The following VEPH1 variants were observed in gnomAD, a reference collection of about 807,000 sequenced individuals.
VEPH1 encodes the protein ventricular zone expressed PH domain containing 1, also known as ventricular zone-expressed PH domain-containing protein homolog 1.
In VEPH1, 80 loss-of-function variants were observed where a neutral mutation model predicts 85.2. That is an observed-to-expected ratio of 0.94 (90% CI 0.78 to 1.13). The LOEUF (loss-of-function observed/expected upper bound fraction) is 1.13. Ranked by LOEUF, VEPH1 falls within the 50% of genes most tolerant of loss-of-function variation. The pLI, the probability that VEPH1 is intolerant of heterozygous loss-of-function variation, is 0.00. For missense variants in VEPH1, 955 were observed against 980.5 expected, an observed-to-expected ratio of 0.97 and a Z score of 0.35; for synonymous variants, 297 against 348.0, an observed-to-expected ratio of 0.85 and a Z score of 1.63.
At chr3:157,269,607 T>C (rs1278405238) in intron 12 of VEPH1, among the ~76,000 whole-genome samples, 2 of 67,730 alleles carry the variant, frequency 3.0e-5, no homozygotes, top group African/African-American at 1.1e-4. Context: ...CTTAAAAAAC[T>C]GTTTGTTTGT....
chr3:157,261,484 G>T (rs1712895353), intron 13 of VEPH1, 114 bp from the exon 14 acceptor site: 1 of 1,494,276 alleles, frequency 6.7e-7, no homozygotes, highest in Admixed American at 2.3e-5. Context: ...TATGTCTCAA[G>T]ACCTTTGTTA....
intron 4 of VEPH1, among the ~76,000 whole-genome samples, chr3:157,453,587 T>C (rs1735139490): frequency 6.6e-6 from 1 of 152,042 alleles, no homozygotes; most frequent in Admixed American, 6.6e-5. Context: ...AGTAGAAACA[T>C]GGGAAAATAA....
At position 157,470,516 on chromosome 3, in the gene VEPH1, T is replaced by C. The variant is rs369417596; in HGVS notation, c.152A>G (p.Asn51Ser). ...TTCAACTACTGCCTGGTCATTGTTA[T>C]TGGTTTGGTAATCCTGTTTGGAAAG... ...IISSSSDYQT[N>S]NNDQAVVEIC... is the part of the protein sequence containing the mutation. The change falls in exon 3 of 14, where the codon AAT (asparagine) becomes AGT (serine). Residue 51 changes from asparagine to serine, a missense_variant. Physicochemically the swap from Asn to Ser is conservative, Grantham distance 46. Coordinates refer to ENST00000362010, the MANE Select transcript of VEPH1 (RefSeq NM_001167912.2). The C allele has an allele frequency of 1.3e-5, 21 of 1,614,084 alleles. No individual in the cohort carries two copies. Among genetic ancestry groups the C allele is most frequent in the African/African-American group, 4.0e-5 (3 of 74,932 alleles).
intron 7 of VEPH1, among the ~76,000 whole-genome samples, chr3:157,370,280 G>C (rs1391670770): frequency 2.7e-5 from 4 of 148,932 alleles, no homozygotes; most frequent in Non-Finnish European, 5.9e-5. Flanking sequence ...AAGCTGGCAG[G>C]GGGTGGAAAG....
At chr3:157,495,116 T>C in intron 2 of VEPH1, 96 bp downstream of exon 2, 3 of 1,282,238 alleles carry the variant, frequency 2.3e-6, no homozygotes, top group Non-Finnish European at 3.3e-6. Context: ...GTATTTCCTC[T>C]TTCCCCTGCA....
intron 1 of VEPH1, among the ~76,000 whole-genome samples, chr3:157,496,686 C>T (rs1304372483): frequency 6.6e-6 from 1 of 152,204 alleles, no homozygotes; most frequent in African/African-American, 2.4e-5. Flanking sequence ...CTCCTCTGAG[C>T]TATTGTTGTG....
chr3:157,495,263 T>G lies in VEPH1; in HGVS notation c.87A>C (p.Glu29Asp). ...DLFSLDDSEIEDSLTEALEQI... is the reference protein window; with the variant it reads ...DLFSLDDSEIDDSLTEALEQI... ...GCTCCAAAGCTTCTGTAAGGCTGTC[T>G]TCAATCTCAGAGTCATCTAAGGAGA... Residue 29 changes from glutamate (E) to aspartate (D), a missense_variant, in exon 2 of 14, where the codon GAA (glutamate) becomes GAC (aspartate). Physicochemically the swap from Glu to Asp is conservative, Grantham distance 45. Coordinates refer to ENST00000362010, the MANE Select transcript of VEPH1 (RefSeq NM_001167912.2). 1 of 1,614,072 alleles carries G rather than the reference T, an allele frequency of 6.2e-7. No homozygotes were observed. The highest frequency in any genetic ancestry group is 8.5e-7 in the Non-Finnish European group (1 of 1,179,934).
At chr3:157,393,337 CA>C (rs1730051940) in intron 6 of VEPH1, among the ~76,000 whole-genome samples, 1 of 152,078 alleles carries the variant, frequency 6.6e-6, no homozygotes, top group Non-Finnish European at 1.5e-5. Flanking sequence ...ATGCTATTAC[CA>C]AATTCATCTT....
At chr3:157,486,066 T>A (rs1213593820) in intron 2 of VEPH1, among the ~76,000 whole-genome samples, 1 of 152,186 alleles carries the variant, frequency 6.6e-6, no homozygotes, top group African/African-American at 2.4e-5. Context: ...TGCAAACTTA[T>A]TGAGGATATA....
At chr3:157,306,282 A>T (rs1719501732) in intron 11 of VEPH1, among the ~76,000 whole-genome samples, 2 of 152,108 alleles carry the variant, frequency 1.3e-5, no homozygotes, top group Non-Finnish European at 2.9e-5. Context: ...AGGCAACCTC[A>T]TCATGAATTT....
chr3:157,261,292 G>T lies in VEPH1; in HGVS notation c.2344C>A (p.Arg782Ser), dbSNP rs199678437. ...VKAVAKKRRD[R>S]SLPRAFEIFT... is the part of the protein sequence containing the mutation. The stretch of plus-strand genomic sequence containing the variant: ...ATTTCGAAAGCCCGGGGGAGAGAGC[G>T]GTCCCTGCGTTTCTTGGCCACAGCC... The change falls in exon 14 of 14, where the codon CGC (arginine) becomes AGC (serine). Residue 782 changes from arginine (R) to serine (S), a missense_variant. By Grantham distance (110) the Arg-to-Ser change is moderately radical (BLOSUM62 -1). Transcript: ENST00000362010. 6.2e-7 allele frequency: 1 copy of T among 1,613,654 alleles called. No individual in the cohort carries two copies. The highest frequency in any genetic ancestry group is 2.2e-5 in the East Asian group (1 of 44,842).
chr3:157,328,702 G>A (rs1722183199), intron 9 of VEPH1, among the ~76,000 whole-genome samples: 1 of 152,160 alleles, frequency 6.6e-6, no homozygotes, highest in South Asian at 2.1e-4. Context: ...TTGAGGCTCA[G>A]AAGCACAGAA....
At chr3:157,386,499 G>A (rs1454949436) in intron 6 of VEPH1, among the ~76,000 whole-genome samples, 2 of 152,084 alleles carry the variant, frequency 1.3e-5, no homozygotes, top group African/African-American at 4.8e-5. Flanking sequence ...GGGAGGCAGT[G>A]GGGAAAAGAA....
chr3:157,487,463 G>A (rs1246724104), intron 2 of VEPH1, among the ~76,000 whole-genome samples: 1 of 152,040 alleles, frequency 6.6e-6, no homozygotes, highest in Non-Finnish European at 1.5e-5. Flanking sequence ...AATTTATAGT[G>A]CCAGAGAGTT....
rs955611418 is a variant in VEPH1 at position 157,287,993 on chromosome 3, A to G, written c.2011-1319T>C. Among the ~76,000 whole-genome samples the G allele has an allele frequency of 2.0e-5, 3 of 152,376 alleles. No individual in the cohort carries two copies. In the South Asian group the frequency reaches 6.2e-4, roughly 32 times the overall value. ...GCACATGTTTTATGTGCCCTGTGGC[A>G]CCATGCCAATGAGTTCCTCTTTAAG... On this transcript the variant is annotated intron_variant, in intron 11 of 13. Coordinates refer to ENST00000362010, the MANE Select transcript of VEPH1 (RefSeq NM_001167912.2).
chr3:157,495,236 T>G lies in VEPH1; in HGVS notation c.114A>C (p.Gln38His). The G allele has an allele frequency of 4.3e-6, 7 of 1,613,984 alleles. No individual in the cohort carries two copies. The highest frequency in any genetic ancestry group is 5.9e-6 in the Non-Finnish European group (7 of 1,179,910). Residue 38 changes from glutamine (Q) to histidine (H), a missense_variant, in exon 2 of 14, where the codon CAA becomes CAC. Physicochemically the swap from Gln to His is conservative, Grantham distance 24. Transcript: ENST00000362010. Reference protein sequence around the residue: ...IEDSLTEALEQIKIISSSSDY... With the variant: ...IEDSLTEALEHIKIISSSSDY... ...CTGAAGATGAGCTAATTATCTTAATTTGCTCCAAAGCTTCTGTAAGGCTGT... is the reference window on the plus strand; with the variant it reads ...CTGAAGATGAGCTAATTATCTTAATGTGCTCCAAAGCTTCTGTAAGGCTGT...
chr3:157,363,268 C>T, intron 9 of VEPH1, 96 bp downstream of exon 9: 1 of 1,219,256 alleles, frequency 8.2e-7, no homozygotes, highest in Non-Finnish European at 1.1e-6. Flanking sequence ...TGCAAAAGAT[C>T]CAGAAAAGAG....
intron 6 of VEPH1, among the ~76,000 whole-genome samples, chr3:157,391,774 A>G (rs1334301524): frequency 6.6e-6 from 1 of 152,244 alleles, no homozygotes; most frequent in Non-Finnish European, 1.5e-5. Context: ...GAACATCACC[A>G]AGGAATGTAA....
chr3:157,345,790 T>A (rs944593503), intron 9 of VEPH1, among the ~76,000 whole-genome samples: 7 of 152,184 alleles, frequency 4.6e-5, no homozygotes, highest in African/African-American at 1.7e-4. Context: ...CAAATGTCCA[T>A]AAATGATATA....
Sources: gnomAD v4.1 joint callset for allele counts (sites outside exome capture counted in the v4.1 genomes callset) on GRCh38, gnomAD v4.1.1 for gene constraint, MANE v1.5 for transcripts, NCBI Gene and HGNC (gene_info 2026-07-23, HGNC 2026-07-21) for gene names.